IL6ST: variants seen among roughly 807,000 people sequenced by gnomAD.
IL6ST encodes the protein interleukin 6 cytokine family signal transducer, also known as interleukin-6 receptor subunit beta.
A neutral mutation model predicts 91.3 loss-of-function variants in IL6ST; 24 were observed. That is an observed-to-expected ratio of 0.26 (90% confidence interval 0.19 to 0.37). The LOEUF is 0.37. IL6ST is among the 10% of genes least tolerant of loss of function. IL6ST has a pLI of 1.00. For synonymous variants in IL6ST, 351 were observed against 373.6 expected (o/e 0.94, Z 0.70); for missense variants, 914 against 1,078.5 (o/e 0.85, Z 2.14).
At position 55,976,301 on chromosome 5, in the gene IL6ST, A is replaced by G; in HGVS notation, c.-15-8T>C. The G allele has an allele frequency of 6.6e-7, 1 of 1,526,430 alleles. No individual in the cohort carries two copies. 94.6% of individuals were successfully genotyped at this position (1,526,430 alleles called of 1,614,324 possible). On this transcript the variant is annotated splice_polypyrimidine_tract_variant and splice_region_variant and intron_variant, in intron 2 of 16. Transcript: ENST00000381298. ...CATCTTGCGCGGATATTTCTGCAAC[A>G]GACACATGTAATATTACTTTTAATA... is the stretch of plus-strand genomic sequence containing the variant.
intron 14 of IL6ST, among the ~76,000 whole-genome samples, 199 bp downstream of exon 14, chr5:55,951,265 T>C (rs1174712852): frequency 6.6e-6 from 1 of 152,148 alleles, no homozygotes; most frequent in Non-Finnish European, 1.5e-5. Flanking sequence ...CAGCTGAATA[T>C]AGTCAGAAGC....
intron 1 of IL6ST, among the ~76,000 whole-genome samples, chr5:55,987,548 G>A: frequency 6.6e-6 from 1 of 152,134 alleles, no homozygotes; most frequent in East Asian, 1.9e-4. Flanking sequence ...CTTGGTGAAG[G>A]ATAACAAAGA....
chr5:55,939,127 T>TAATA lies in IL6ST; in HGVS notation c.*1951_*1954dup, dbSNP rs1750723015. Reference sequence around the variant, plus strand: ...TTAAATTTTGAGAAAATGGAAAATGTAATAGGTATAAATTTCCTGACACAT... The same window carrying TAATA: ...TTAAATTTTGAGAAAATGGAAAATGTAATAAATAGGTATAAATTTCCTGACACAT... On this transcript the variant is annotated 3_prime_UTR_variant, in exon 17 of 17. Transcript: ENST00000381298. The TAATA allele has an allele frequency of 4.8e-6, 1 of 208,596 alleles. No individual in the cohort carries two copies. Among genetic ancestry groups the TAATA allele is most frequent in the Admixed American group, 5.9e-5 (1 of 16,934 alleles). The allele number at this position is 208,596 out of a possible 1,614,324, so 12.9% of individuals were successfully genotyped here.
rs369431167 is a variant in IL6ST at position 55,954,885 on chromosome 5, C to T, written c.1375G>A (p.Val459Met). 13 of 1,613,402 alleles carry T rather than the reference C, an allele frequency of 8.1e-6. No homozygotes were observed. In the African/African-American group the frequency reaches 1.7e-4, roughly 22 times the overall value. Residue 459 changes from valine to methionine, a missense_variant, in exon 11 of 17, where the codon GTG becomes ATG. Physicochemically the swap from Val to Met is conservative, Grantham distance 21 (BLOSUM62 1). Transcript: ENST00000381298. ...ATACAGGGTGCTTTATCTGATAACACACACCACTCAAGTATATATTTCTTT... is the reference window on the plus strand; with the variant it reads ...ATACAGGGTGCTTTATCTGATAACATACACCACTCAAGTATATATTTCTTT... ...SVKKYILEWC[V>M]LSDKAPCITD...
intron 2 of IL6ST, among the ~76,000 whole-genome samples, chr5:55,977,164 T>C (rs1451637819): frequency 6.6e-6 from 1 of 151,950 alleles, no homozygotes; most frequent in Non-Finnish European, 1.5e-5. Context: ...GAACTGGTGA[T>C]ACATGCAGTA....
intron 3 of IL6ST, among the ~76,000 whole-genome samples, chr5:55,970,088 C>G (rs1285238277): frequency 6.6e-6 from 1 of 152,176 alleles, no homozygotes; most frequent in Non-Finnish European, 1.5e-5. Context: ...AAAACCCATT[C>G]ATGCTTTATA....
intron 1 of IL6ST, among the ~76,000 whole-genome samples, chr5:55,991,565 A>T (rs1754331366): frequency 6.8e-6 from 1 of 146,084 alleles, no homozygotes; most frequent in Admixed American, 6.7e-5. Context: ...AAGCATTCTG[A>T]ACATTGTTGG....
rs1753735100 is a variant in IL6ST, at chr5:55,982,705, G to A, written c.-16+19C>T. ...GTAAAATAAAAAAACAAAAAATTCA[G>A]ACAAGATCAATTACTTACCCAAATC... On this transcript the variant is annotated intron_variant, in intron 2 of 16. Transcript: ENST00000381298. The A allele has an allele frequency of 7.5e-6, 3 of 398,132 alleles. No homozygotes were observed. The Admixed American group carries it at 1.3e-4, about 18-fold the overall frequency. The allele number at this position is 398,132 out of a possible 1,614,324, so 24.7% of individuals were successfully genotyped here.
chr5:55,941,826 A>G lies in IL6ST; in HGVS notation c.2020-7T>C. 3 of 1,599,606 alleles carry G rather than the reference A, an allele frequency of 1.9e-6. No homozygotes were observed. In the South Asian group the frequency reaches 3.4e-5, roughly 18 times the overall value. On this transcript the variant is annotated splice_region_variant and splice_polypyrimidine_tract_variant and intron_variant, in intron 16 of 16. Coordinates refer to ENST00000381298, the MANE Select transcript of IL6ST (RefSeq NM_002184.4). ...CTTTTGAATTAAAATTGTGCTAAGG[A>G]AGAGAAAAAATTGTATATGGCAAGT...
At position 55,939,870 on chromosome 5, in the gene IL6ST, T is replaced by TAG; in HGVS notation, c.*1211_*1212insCT. ...CTGCAGACATTAAAATACCATCTCT[T>TAG]TATTAAGTGTCTCTACAATAATGAT... On this transcript the variant is annotated 3_prime_UTR_variant, in exon 17 of 17. Transcript: ENST00000381298. 4.9e-6 allele frequency: 1 copy of TAG among 203,240 alleles called. No homozygotes were observed. The highest frequency in any genetic ancestry group is 1.0e-5 in the Non-Finnish European group (1 of 98,842). The allele number at this position is 203,240 out of a possible 1,614,324, so 12.6% of individuals were successfully genotyped here.
chr5:55,976,250 T>C lies in IL6ST; in HGVS notation c.29A>G (p.Gln10Arg). 1 of 1,589,740 alleles carries C rather than the reference T, an allele frequency of 6.3e-7. No individual in the cohort carries two copies. Among genetic ancestry groups the C allele is most frequent in the Non-Finnish European group, 8.6e-7 (1 of 1,167,618 alleles). Residue 10 changes from glutamine (Q) to arginine (R), a missense_variant, in exon 3 of 17, where the codon CAA becomes CGA. Gln to Arg is a conservative substitution (Grantham distance 43). Coordinates refer to ENST00000381298, the MANE Select transcript of IL6ST (RefSeq NM_002184.4). MLTLQTWLV[Q>R]ALFIFLTTES... ...AGTGGTGAGGAAAATAAACAAGGCT[T>C]GCACTAGCCAAGTCTGCAACGTCAA...
At chr5:55,943,405 T>TA (rs1279016060) in intron 15 of IL6ST, among the ~76,000 whole-genome samples, 1 of 152,192 alleles carries the variant, frequency 6.6e-6, no homozygotes, top group African/African-American at 2.4e-5. Flanking sequence ...ACAATTGTAT[T>TA]AATACTATAC....
At chr5:55,958,663 C>A (rs1752124896) in intron 8 of IL6ST, among the ~76,000 whole-genome samples, 1 of 151,886 alleles carries the variant, frequency 6.6e-6, no homozygotes, top group African/African-American at 2.4e-5. Context: ...CATGACAAAA[C>A]CTTGTCTCCA....
At position 55,940,605 on chromosome 5, in the gene IL6ST, G is replaced by T. The variant is rs2111573858; in HGVS notation, c.*477C>A. ...CTGGGCTCATGTAGTTATGGCCTAT[G>T]GACCTCTTTTTAAGTTATTTTAGCA... On this transcript the variant is annotated 3_prime_UTR_variant, in exon 17 of 17. Coordinates refer to ENST00000381298, the MANE Select transcript of IL6ST (RefSeq NM_002184.4). 2 of 216,214 alleles carry T rather than the reference G, an allele frequency of 9.3e-6. No homozygotes were observed. The highest frequency in any genetic ancestry group is 1.9e-5 in the Non-Finnish European group (2 of 107,416). The allele number at this position is 216,214 out of a possible 1,614,324, so 13.4% of individuals were successfully genotyped here. A position where few individuals can be genotyped will look rare whatever the true frequency, so the allele number is the denominator to read the frequency against.
At chr5:55,989,366 G>GA (rs111368787) in intron 1 of IL6ST, among the ~76,000 whole-genome samples, 31 of 151,524 alleles carry the variant, frequency 2.0e-4, no homozygotes, top group African/African-American at 5.1e-4. Context: ...AAGCAAAAAA[G>GA]AAAAAAAAGA....
chr5:55,942,811 C>A, intron 15 of IL6ST, 60 bp from the exon 16 acceptor site: 1 of 884,632 alleles, frequency 1.1e-6, no homozygotes, highest in South Asian at 1.4e-5. Flanking sequence ...TAAATAGTCC[C>A]TATTTCTAAA....
chr5:55,978,649 T>C (rs978696019), intron 2 of IL6ST, among the ~76,000 whole-genome samples: 3 of 152,154 alleles, frequency 2.0e-5, no homozygotes, highest in African/African-American at 7.2e-5. Flanking sequence ...TGCTTGAACC[T>C]GGGAGGCGGA....
Position 55,956,076 on chromosome 5 carries a change from C to T in IL6ST, c.1216G>A (p.Val406Ile), listed in dbSNP as rs757341662. 3.2e-5 allele frequency: 51 copies of T among 1,613,642 alleles called. 2 individuals are homozygous for T. The Admixed American group carries it at 8.5e-4, about 27-fold the overall frequency. The change falls in exon 10 of 17, where the codon GTT (valine) becomes ATT (isoleucine). Residue 406 changes from valine (V) to isoleucine (I), a missense_variant. By Grantham distance (29) the Val-to-Ile change is conservative. Coordinates refer to ENST00000381298, the MANE Select transcript of IL6ST (RefSeq NM_002184.4). Reference protein sequence around the residue: ...YLATLTVRNLVGKSDAAVLTI... With the variant: ...YLATLTVRNLIGKSDAAVLTI... ...AAAACAGCTGCATCTGATTTGCCAA[C>T]AAGATTTCTTACTGTTAGGGTTGCT...
At chr5:55,945,040 C>CAAA (rs368225632) in intron 15 of IL6ST, among the ~76,000 whole-genome samples, 756 of 71,890 alleles carry the variant, frequency 0.011, 5 homozygotes, top group Middle Eastern at 0.02. Context: ...GGAATTAAAT[C>CAAA]AAAAAAAAAA....
Sources: allele counts gnomAD v4.1 joint callset (sites outside exome capture counted in the v4.1 genomes callset), GRCh38; gene constraint gnomAD v4.1.1; transcripts MANE v1.5; gene names NCBI Gene and HGNC (gene_info 2026-07-23, HGNC 2026-07-21).